The following PAPPA variants were observed in gnomAD, a reference collection of about 807,000 sequenced individuals.
PAPPA encodes pappalysin-1.
In PAPPA, 60 loss-of-function variants were observed where a neutral mutation model predicts 164.0. The observed-to-expected ratio is 0.37, with a 90% CI of 0.30 to 0.45. PAPPA has a LOEUF of 0.45. Among genes scored for constraint, PAPPA ranks in the 20% least tolerant of loss-of-function variants. The pLI, the probability that PAPPA is intolerant of heterozygous loss-of-function variation, is 1.00. For missense variants in PAPPA, 1,782 were observed against 2,087.3 expected, an observed-to-expected ratio of 0.85 and a Z score of 2.85; for synonymous variants, 875 against 814.1, an observed-to-expected ratio of 1.07 and a Z score of -1.27.
intron 7 of PAPPA, among the ~76,000 whole-genome samples, chr9:116,253,563 C>T (rs1241573431): frequency 6.6e-6 from 1 of 152,134 alleles, no homozygotes; most frequent in Non-Finnish European, 1.5e-5. Context: ...TTACCAACCA[C>T]CCCTCACCAC....
At chr9:116,219,885 T>C (rs1844420973) in intron 4 of PAPPA, 52 bp from the exon 5 acceptor site, 1 of 1,475,314 alleles carries the variant, frequency 6.8e-7, no homozygotes, top group Non-Finnish European at 9.3e-7. Flanking sequence ...CTCTCTCATA[T>C]GCCTGCCTGC....
chr9:116,220,292 T>A (rs1230564905), intron 5 of PAPPA, among the ~76,000 whole-genome samples, 163 bp downstream of exon 5: 2 of 152,150 alleles, frequency 1.3e-5, no homozygotes, highest in Non-Finnish European at 2.9e-5. Flanking sequence ...GATCAGGGAA[T>A]AAATAAATGG....
intron 9 of PAPPA, among the ~76,000 whole-genome samples, chr9:116,297,710 C>G (rs1845526669): frequency 6.6e-6 from 1 of 152,160 alleles, no homozygotes; most frequent in South Asian, 2.1e-4. Flanking sequence ...CCTCTTTAAT[C>G]ATGTCTATCC....
chr9:116,169,288 C>T (rs913236296), intron 1 of PAPPA, among the ~76,000 whole-genome samples: 1 of 144,112 alleles, frequency 6.9e-6, no homozygotes, highest in Non-Finnish European at 1.5e-5. Flanking sequence ...TGTGGCTGTC[C>T]TTCGGCCTCT....
chr9:116,227,583 G>C (rs1844530172), intron 6 of PAPPA, 31 bp downstream of exon 6: 6 of 1,612,044 alleles, frequency 3.7e-6, no homozygotes, highest in Non-Finnish European at 5.1e-6. Flanking sequence ...CTCATTGACA[G>C]GAGGAGTGTG....
chr9:116,267,236 T>C (rs1489389710), intron 8 of PAPPA, among the ~76,000 whole-genome samples: 3 of 152,196 alleles, frequency 2.0e-5, no homozygotes, highest in African/African-American at 7.2e-5. Context: ...TTTCTGATGA[T>C]TTTGTGGTAT....
intron 21 of PAPPA, among the ~76,000 whole-genome samples, 153 bp downstream of exon 21, chr9:116,382,646 G>A (rs1045338205): frequency 2.0e-5 from 3 of 152,026 alleles, no homozygotes; most frequent in Admixed American, 1.3e-4. Flanking sequence ...TATTCTTTTG[G>A]TCAGTAGTTG....
intron 1 of PAPPA, among the ~76,000 whole-genome samples, chr9:116,172,650 T>G: frequency 6.6e-6 from 1 of 152,310 alleles, no homozygotes; most frequent in East Asian, 1.9e-4. Flanking sequence ...TGTTTTCCCC[T>G]CTTGAGCTTA....
In PAPPA at chr9:116,166,572, C is replaced by G. The variant is rs928200331; in HGVS notation, c.415+11985C>G. ...TGATGACCTCAGGATCTGGAATTCTCTATCCGCTGTTTATATACCCCTAGG... is the reference window on the plus strand; with the variant it reads ...TGATGACCTCAGGATCTGGAATTCTGTATCCGCTGTTTATATACCCCTAGG... On this transcript the variant is annotated intron_variant, in intron 1 of 21. Coordinates refer to ENST00000328252, the MANE Select transcript of PAPPA (RefSeq NM_002581.5). 1.3e-4 allele frequency among the ~76,000 whole-genome samples: 20 copies of G among 152,274 alleles called. 3 individuals are homozygous for G. The highest frequency in any genetic ancestry group is 1.2e-3 in the Admixed American group (19 of 15,294).
At chr9:116,359,388 G>A (rs138727772) in intron 17 of PAPPA, among the ~76,000 whole-genome samples, 2 of 152,310 alleles carry the variant, frequency 1.3e-5, no homozygotes, top group East Asian at 3.9e-4. Context: ...AGATGCACAG[G>A]CACAGAGAGG....
intron 2 of PAPPA, among the ~76,000 whole-genome samples, chr9:116,194,726 C>T (rs999452119): frequency 5.3e-5 from 8 of 152,146 alleles, no homozygotes; most frequent in Non-Finnish European, 1.2e-4. Flanking sequence ...GTGCCTGGCA[C>T]ATGGTAGGTG....
At chr9:116,167,106 A>G (rs368688947) in intron 1 of PAPPA, among the ~76,000 whole-genome samples, 14 of 152,290 alleles carry the variant, frequency 9.2e-5, no homozygotes, top group African/African-American at 3.4e-4. Flanking sequence ...TTTTACATCC[A>G]TTAGAGCATT....
chr9:116,253,936 T>G (rs1400708959), intron 7 of PAPPA, among the ~76,000 whole-genome samples: 2 of 152,206 alleles, frequency 1.3e-5, no homozygotes, highest in East Asian at 3.8e-4. Context: ...TCAACTTTCC[T>G]TCCAAACTCA....
chr9:116,370,264 C>G (rs755226425), intron 19 of PAPPA, among the ~76,000 whole-genome samples: 5 of 152,170 alleles, frequency 3.3e-5, no homozygotes, highest in Non-Finnish European at 5.9e-5. Context: ...ACCTCCACCC[C>G]CTACCACACA....
At chr9:116,193,255 A>C (rs774686117) in intron 2 of PAPPA, among the ~76,000 whole-genome samples, 17 of 151,982 alleles carry the variant, frequency 1.1e-4, no homozygotes, top group Non-Finnish European at 2.4e-4. Context: ...ATAAGTCTTG[A>C]GGTCACCCCC....
intron 10 of PAPPA, among the ~76,000 whole-genome samples, chr9:116,306,965 TC>T (rs1845654533): frequency 6.6e-6 from 1 of 152,168 alleles, no homozygotes; most frequent in Non-Finnish European, 1.5e-5. Flanking sequence ...ATTTCCTTAA[TC>T]CTTTGAGGGT....
chr9:116,209,989 A>C (rs1043251985), intron 3 of PAPPA, among the ~76,000 whole-genome samples: 1 of 152,146 alleles, frequency 6.6e-6, no homozygotes, highest in Non-Finnish European at 1.5e-5. Flanking sequence ...AGTAGCCCCA[A>C]TCAAACCCAA....
intron 4 of PAPPA, among the ~76,000 whole-genome samples, chr9:116,215,224 C>T (rs955009033): frequency 2.6e-5 from 4 of 152,104 alleles, no homozygotes; most frequent in South Asian, 2.1e-4. Flanking sequence ...CTTTGATCTT[C>T]GGCAGTTTAC....
intron 10 of PAPPA, among the ~76,000 whole-genome samples, chr9:116,314,363 C>G (rs1845761397): frequency 6.6e-6 from 1 of 151,996 alleles, no homozygotes; most frequent in South Asian, 2.1e-4. Context: ...GCCACCACAC[C>G]CGGTCTCTCC....
Sources: gnomAD v4.1 joint callset for allele counts (sites outside exome capture counted in the v4.1 genomes callset) on GRCh38, gnomAD v4.1.1 for gene constraint, MANE v1.5 for transcripts, NCBI Gene and HGNC (gene_info 2026-07-23, HGNC 2026-07-21) for gene names.